SIM1: variants seen among roughly 807,000 people sequenced by gnomAD.
The protein encoded by SIM1 is single-minded homolog 1.
Under a neutral mutation model 78.2 loss-of-function variants are expected in SIM1, and 18 were observed. The ratio of observed to expected loss-of-function variants is 0.23; its 90% CI spans 0.16 to 0.34. SIM1 has a LOEUF of 0.34. Ranked by LOEUF, SIM1 falls within the 10% of genes least tolerant of loss-of-function variation. SIM1 has a pLI of 1.00. For missense variants in SIM1, 939 were observed against 975.1 expected, an observed-to-expected ratio of 0.96 and a Z score of 0.49; for synonymous variants, 417 against 385.2, an observed-to-expected ratio of 1.08 and a Z score of -0.97.
chr6:100,391,057 A>G lies in SIM1; in HGVS notation c.1605T>C (p.Ser535=), dbSNP rs756788777. The part of the protein sequence containing the change: ...RGHWDEDSVV[S]SPDPGSASES... The stretch of plus-strand genomic sequence containing the variant: ...CACTGGCCGACCCAGGGTCTGGAGA[A>G]CTGACCACACTATCTTCATCCCAAT... Residue 535 remains serine, a synonymous_variant, in exon 12 of 12, where the codon AGT becomes AGC. Transcript: ENST00000369208. 4.1e-5 allele frequency: 66 copies of G among 1,612,702 alleles called. No individual in the cohort carries two copies. The highest frequency in any genetic ancestry group is 5.1e-5 in the Non-Finnish European group (60 of 1,179,574).
rs1056481489 is a variant in SIM1 at position 100,390,089 on chromosome 6, C to A, written c.*272G>T. 13 of 506,876 alleles carry A rather than the reference C, an allele frequency of 2.6e-5. No homozygotes were observed. Among genetic ancestry groups the A allele is most frequent in the Middle Eastern group, 1.0e-3 (2 of 1,954 alleles). 31.4% of individuals were successfully genotyped at this position (506,876 alleles called of 1,614,324 possible). A position where few individuals can be genotyped will look rare whatever the true frequency, so the allele number is the denominator to read the frequency against. ...CATGTAGTATATATGCACACTTGAT[C>A]TACATGAATATTTTTCAAGTCAAAA... On this transcript the variant is annotated 3_prime_UTR_variant, in exon 12 of 12. Transcript: ENST00000369208.
chr6:100,397,052 T>TA (rs1770785240), intron 10 of SIM1, among the ~76,000 whole-genome samples: 2 of 152,328 alleles, frequency 1.3e-5, no homozygotes, highest in African/African-American at 4.8e-5. Context: ...AGAAAATAAT[T>TA]ATTGAGAACA....
intron 9 of SIM1, among the ~76,000 whole-genome samples, chr6:100,436,398 C>T (rs1430278901): frequency 6.6e-6 from 1 of 152,206 alleles, no homozygotes; most frequent in African/African-American, 2.4e-5. Context: ...GAAGGAGGAT[C>T]TTTCCAGATG....
intron 3 of SIM1, among the ~76,000 whole-genome samples, chr6:100,452,318 C>CA (rs1423485326): frequency 1.3e-5 from 2 of 152,216 alleles, no homozygotes; most frequent in East Asian, 3.9e-4. Flanking sequence ...GTAAACTATA[C>CA]ACTGTACCAG....
intron 10 of SIM1, among the ~76,000 whole-genome samples, chr6:100,394,340 G>A (rs1369079605): frequency 5.9e-5 from 9 of 152,104 alleles, no homozygotes; most frequent in African/African-American, 1.9e-4. Flanking sequence ...CAGGTTCTTC[G>A]TCTACCCTAA....
At chr6:100,412,398 G>A (rs775837135) in intron 10 of SIM1, among the ~76,000 whole-genome samples, 13 of 151,370 alleles carry the variant, frequency 8.6e-5, no homozygotes, top group South Asian at 8.4e-4. Context: ...TTAGCCAGCC[G>A]TGGTGGTGGG....
At chr6:100,455,159 G>A (rs1772613730) in intron 2 of SIM1, among the ~76,000 whole-genome samples, 1 of 152,176 alleles carries the variant, frequency 6.6e-6, no homozygotes, top group South Asian at 2.1e-4. Flanking sequence ...CAAAGCCTTG[G>A]TAAGGAGGAA....
chr6:100,420,186 C>T (rs976594525), intron 10 of SIM1, among the ~76,000 whole-genome samples: 11 of 152,096 alleles, frequency 7.2e-5, no homozygotes, highest in Admixed American at 4.6e-4. Flanking sequence ...CTTCCAAGAA[C>T]CAGGAATCCT....
chr6:100,423,752 G>A (rs1771653915), intron 9 of SIM1, among the ~76,000 whole-genome samples: 1 of 152,210 alleles, frequency 6.6e-6, no homozygotes, highest in Non-Finnish European at 1.5e-5. Flanking sequence ...GATGGGCTGT[G>A]AGTCCTCTGA....
At chr6:100,426,266 C>A (rs1319935113) in intron 9 of SIM1, among the ~76,000 whole-genome samples, 1 of 152,142 alleles carries the variant, frequency 6.6e-6, no homozygotes, top group African/African-American at 2.4e-5. Flanking sequence ...CAAAGTAATC[C>A]TCTTATTCCA....
At chr6:100,414,409 C>T (rs1239449288) in intron 10 of SIM1, among the ~76,000 whole-genome samples, 3 of 152,160 alleles carry the variant, frequency 2.0e-5, no homozygotes, top group Non-Finnish European at 4.4e-5. Flanking sequence ...AACCAAACTA[C>T]AGAGGCCTCA....
At chr6:100,449,053 G>T (rs940836440) in intron 6 of SIM1, among the ~76,000 whole-genome samples, 1 of 152,158 alleles carries the variant, frequency 6.6e-6, no homozygotes, top group Non-Finnish European at 1.5e-5. Context: ...AACTCTTAGG[G>T]ATTCACCAAA....
chr6:100,448,794 C>A, intron 6 of SIM1, 116 bp from the exon 7 acceptor site: 1 of 849,606 alleles, frequency 1.2e-6, no homozygotes, highest in Non-Finnish European at 1.8e-6. Context: ...GTGCTGACCA[C>A]GCCCGTGCAC....
Position 100,449,646 on chromosome 6 carries a change from G to T in SIM1, c.402C>A (p.Asp134Glu). The stretch of plus-strand genomic sequence containing the variant: ...GGGCGGTGAGCACCGCCGTCATCTC[G>T]TCGTGGTCTGCCGGGTGAATGTATT... ...IYEYIHPADH[D>E]EMTAVLTAHQ... Residue 134 changes from aspartate (D) to glutamate (E), a missense_variant, in exon 5 of 12, where the codon GAC becomes GAA. Physicochemically the swap from Asp to Glu is conservative, Grantham distance 45. This residue lies in a region of SIM1 where 187 missense variants were observed against 191.6 expected (regional missense o/e 0.98). Coordinates refer to ENST00000369208, the MANE Select transcript of SIM1 (RefSeq NM_005068.3). 6.2e-7 allele frequency: 1 copy of T among 1,614,088 alleles called. No homozygotes were observed. Among genetic ancestry groups the T allele is most frequent in the Non-Finnish European group, 8.5e-7 (1 of 1,180,032 alleles).
At chr6:100,428,449 T>C (rs1413461968) in intron 9 of SIM1, among the ~76,000 whole-genome samples, 1 of 152,166 alleles carries the variant, frequency 6.6e-6, no homozygotes, top group East Asian at 1.9e-4. Flanking sequence ...TTTAACCTCA[T>C]GAGTAAAATG....
chr6:100,438,425 C>T (rs1012142107), intron 9 of SIM1, among the ~76,000 whole-genome samples: 1 of 152,198 alleles, frequency 6.6e-6, no homozygotes. Flanking sequence ...CACCTTACAC[C>T]TGCAAGGATG....
At chr6:100,442,722 T>C (rs1198059919) in intron 9 of SIM1, among the ~76,000 whole-genome samples, 1 of 152,116 alleles carries the variant, frequency 6.6e-6, no homozygotes, top group Non-Finnish European at 1.5e-5. Flanking sequence ...ATATATGTTA[T>C]TGGTCAAGTT....
At chr6:100,409,470 G>T (rs1771138262) in intron 10 of SIM1, among the ~76,000 whole-genome samples, 1 of 150,630 alleles carries the variant, frequency 6.6e-6, no homozygotes, top group African/African-American at 2.4e-5. Context: ...CAATTATGTT[G>T]ATCTTCTCAA....
In SIM1 at chr6:100,420,980, C is replaced by G. The variant is rs752107259; in HGVS notation, c.999-22G>C. On this transcript the variant is annotated intron_variant, in intron 9 of 11. Coordinates refer to ENST00000369208, the MANE Select transcript of SIM1 (RefSeq NM_005068.3). ...GTCTCTGCAGGGTGGGAGGACAAAG[C>G]CCTTAATCAGCCACCATAGGAAATG... is the stretch of plus-strand genomic sequence containing the variant. 6 of 1,605,912 alleles carry G rather than the reference C, an allele frequency of 3.7e-6. No homozygotes were observed. The Middle Eastern group carries it at 5.3e-4, about 141-fold the overall frequency.
Sources: gnomAD v4.1 joint callset for allele counts (sites outside exome capture counted in the v4.1 genomes callset) on GRCh38, gnomAD v4.1.1 for gene constraint, gnomAD v4.1.1 regional missense constraint, MANE v1.5 for transcripts, NCBI Gene and HGNC (gene_info 2026-07-23, HGNC 2026-07-21) for gene names.